Variants in NAALADL2 observed in about 807,000 individuals in gnomAD.
NAALADL2 encodes the protein inactive N-acetylated-alpha-linked acidic dipeptidase-like protein 2.
In NAALADL2, 76 loss-of-function variants were observed where a neutral mutation model predicts 87.2. That is an observed-to-expected ratio of 0.87 (90% CI 0.72 to 1.05). The LOEUF (loss-of-function observed/expected upper bound fraction) is 1.05, where lower values mean the gene tolerates loss of function less well. Ranked by LOEUF, NAALADL2 falls within the 50% of genes least tolerant of loss-of-function variation. NAALADL2 has a pLI of 0.00. For synonymous variants in NAALADL2, 354 were observed against 331.0 expected, an observed-to-expected ratio of 1.07 and a Z score of -0.75; for missense variants, 1,089 against 945.8, an observed-to-expected ratio of 1.15 and a Z score of -1.99.
chr3:175,371,894 C>A (rs1027183298), intron 5 of NAALADL2, among the ~76,000 whole-genome samples: 1 of 151,948 alleles, frequency 6.6e-6, no homozygotes, highest in African/African-American at 2.4e-5. Context: ...TCTGCATGAC[C>A]TTTAGGAAAA....
chr3:174,563,843 T>C (rs925697680), intron 2 of NAALADL2, among the ~76,000 whole-genome samples: 2 of 152,162 alleles, frequency 1.3e-5, no homozygotes, highest in South Asian at 2.1e-4. Flanking sequence ...ATTCATATTA[T>C]GTTTGCTTTT....
intron 1 of NAALADL2, among the ~76,000 whole-genome samples, chr3:174,969,174 T>C (rs1396511521): frequency 6.6e-6 from 1 of 152,162 alleles, no homozygotes; most frequent in African/African-American, 2.4e-5. Context: ...GTGAACTTCA[T>C]TTTATTTCCC....
In NAALADL2 at chr3:175,278,761, G is replaced by T. The variant is rs192830295; in HGVS notation, c.939+22231G>T. ...GATAAACTGAGGGAGGGCCTCAGTG[G>T]TTAATTATATTGCAAACGCACTGTT... is the stretch of plus-strand genomic sequence containing the variant. On this transcript the variant is annotated intron_variant, in intron 4 of 13. Transcript: ENST00000454872. Among the ~76,000 whole-genome samples the T allele has an allele frequency of 1.1e-4, 17 of 152,236 alleles. No homozygotes were observed. The East Asian group carries it at 3.1e-3, about 28-fold the overall frequency.
At chr3:174,809,284 G>T (rs961272060) in intron 3 of NAALADL2, among the ~76,000 whole-genome samples, 1 of 152,132 alleles carries the variant, frequency 6.6e-6, no homozygotes, top group Non-Finnish European at 1.5e-5. Flanking sequence ...TTTTCTTGTG[G>T]TTGTTAGAAC....
At chr3:175,200,993 A>G (rs1291354997) in intron 2 of NAALADL2, among the ~76,000 whole-genome samples, 1 of 152,064 alleles carries the variant, frequency 6.6e-6, no homozygotes, top group Non-Finnish European at 1.5e-5. Context: ...CACAGATAGC[A>G]CCTCTTCCAT....
intron 2 of NAALADL2, among the ~76,000 whole-genome samples, chr3:175,137,644 T>G (rs1729319972): frequency 6.7e-6 from 1 of 150,312 alleles, no homozygotes; most frequent in Non-Finnish European, 1.5e-5. Flanking sequence ...CTCCCTCTGT[T>G]GCCCAGGCTA....
At chr3:174,877,618 A>G (rs898549599) in intron 1 of NAALADL2, among the ~76,000 whole-genome samples, 2 of 152,110 alleles carry the variant, frequency 1.3e-5, no homozygotes, top group African/African-American at 4.8e-5. Context: ...AGTATTAAAA[A>G]TACAGCTTCC....
chr3:175,452,538 T>G (rs1721736602), intron 6 of NAALADL2, among the ~76,000 whole-genome samples: 1 of 152,166 alleles, frequency 6.6e-6, no homozygotes, highest in Admixed American at 6.6e-5. Context: ...TTTTAATTTG[T>G]GCAGATAGCT....
intron 1 of NAALADL2, among the ~76,000 whole-genome samples, chr3:174,924,643 T>C (rs1735724599): frequency 1.3e-5 from 2 of 152,174 alleles, no homozygotes; most frequent in African/African-American, 4.8e-5. Flanking sequence ...CCACACTGTC[T>C]TCCACAATGG....
At chr3:174,592,666 T>C (rs935917000) in intron 2 of NAALADL2, among the ~76,000 whole-genome samples, 10 of 152,142 alleles carry the variant, frequency 6.6e-5, no homozygotes, top group Non-Finnish European at 1.5e-4. Context: ...TGCAAAGTTG[T>C]TGTCTAATTT....
At chr3:174,925,573 T>A (rs1735893273) in intron 1 of NAALADL2, among the ~76,000 whole-genome samples, 1 of 152,232 alleles carries the variant, frequency 6.6e-6, no homozygotes. Flanking sequence ...TGGTTCCATA[T>A]GAACTTTAAA....
chr3:175,421,784 G>T (rs984607540), intron 5 of NAALADL2, among the ~76,000 whole-genome samples: 5 of 152,040 alleles, frequency 3.3e-5, no homozygotes, highest in African/African-American at 1.2e-4. Flanking sequence ...GTGCCTGGGA[G>T]GGTGTTATAT....
At chr3:174,797,305 C>CTTTTTTTTTTTTTTTTTTTTT (rs1160338109) in intron 3 of NAALADL2, among the ~76,000 whole-genome samples, 11 of 72,716 alleles carry the variant, frequency 1.5e-4, no homozygotes, top group South Asian at 5.7e-4. Flanking sequence ...TTTCTTTTTT[C>CTTTTTTTTTTTTTTTTTTTTT]TTTTTTTTTT....
intron 2 of NAALADL2, among the ~76,000 whole-genome samples, chr3:174,692,927 A>G (rs951740880): frequency 2.7e-4 from 23 of 86,516 alleles, no homozygotes; most frequent in Non-Finnish European, 6.8e-4. Context: ...AAAAGGTTCT[A>G]TTTGTAGGGA....
chr3:175,797,050 AG>A (rs1241216400), intron 13 of NAALADL2, among the ~76,000 whole-genome samples: 1 of 151,894 alleles, frequency 6.6e-6, no homozygotes, highest in Non-Finnish European at 1.5e-5. Context: ...GTTGTTAATT[AG>A]GTTTCTGAGT....
At chr3:175,550,067 A>G (rs1714084725) in intron 9 of NAALADL2, among the ~76,000 whole-genome samples, 1 of 152,096 alleles carries the variant, frequency 6.6e-6, no homozygotes, top group Admixed American at 6.6e-5. Context: ...TAGGGCCACT[A>G]TTATTAGTTA....
chr3:174,509,986 A>G (rs1336996181), intron 1 of NAALADL2, among the ~76,000 whole-genome samples: 2 of 152,112 alleles, frequency 1.3e-5, no homozygotes, highest in Admixed American at 1.3e-4. Flanking sequence ...GCCTTTTGAC[A>G]TCTGTTGAGA....
chr3:174,930,673 G>C (rs1475370602), intron 1 of NAALADL2, among the ~76,000 whole-genome samples: 4 of 127,236 alleles, frequency 3.1e-5, no homozygotes, highest in African/African-American at 6.1e-5. Flanking sequence ...CCAGGCTGGA[G>C]TCCAGTGGCG....
At chr3:174,902,422 A>C (rs1732426320) in intron 1 of NAALADL2, among the ~76,000 whole-genome samples, 1 of 152,110 alleles carries the variant, frequency 6.6e-6, no homozygotes, top group East Asian at 1.9e-4. Context: ...CTATTAATGT[A>C]ATTATTACAT....
Sources: gnomAD v4.1 joint callset for allele counts (sites outside exome capture counted in the v4.1 genomes callset) on GRCh38, gnomAD v4.1.1 for gene constraint, MANE v1.5 for transcripts, NCBI Gene and HGNC (gene_info 2026-07-23, HGNC 2026-07-21) for gene names.